ITPA: variants seen among roughly 807,000 people sequenced by gnomAD.
The protein encoded by ITPA is inosine triphosphate pyrophosphatase.
In ITPA, 29 loss-of-function variants were observed where a neutral mutation model predicts 29.6. The observed-to-expected ratio is 0.98, with a 90% CI of 0.73 to 1.34. ITPA has a LOEUF of 1.34. Among genes scored for constraint, ITPA ranks in the 40% most tolerant of loss-of-function variants. The pLI is 0.00. For synonymous variants in ITPA, 103 were observed against 99.3 expected (o/e 1.04, Z -0.22); for missense variants, 241 against 251.5 (o/e 0.96, Z 0.28).
At chr20:3,216,933 T>G (rs544660938) in intron 5 of ITPA, among the ~76,000 whole-genome samples, 95 of 151,626 alleles carry the variant, frequency 6.3e-4, no homozygotes, top group African/African-American at 2.2e-3. Context: ...CAGGCTAGAG[T>G]GCAGTGGTGT....
At chr20:3,207,486 G>C (rs1339054443), upstream of ITPA, among the ~76,000 whole-genome samples, 35 of 152,256 alleles carry the variant, frequency 2.3e-4, no homozygotes, top group Non-Finnish European at 7.4e-5. Context: ...CTGAGGTCAG[G>C]AGTTTGAGAC....
downstream of ITPA, among the ~76,000 whole-genome samples, chr20:3,225,144 AGTGAGCC>A (rs1159124835): frequency 6.6e-6 from 1 of 152,176 alleles, no homozygotes; most frequent in Non-Finnish European, 1.5e-5. Flanking sequence ...TGGAGGCTGC[AGTGAGCC>A]GTGATTGCGC....
At chr20:3,208,290 C>A (rs2067098624), upstream of ITPA, among the ~76,000 whole-genome samples, 1 of 152,098 alleles carries the variant, frequency 6.6e-6, no homozygotes, top group African/African-American at 2.4e-5. Flanking sequence ...ATCCCCATGG[C>A]CACTCCTCTA....
intron 5 of ITPA, 46 bp downstream of exon 5, chr20:3,215,358 T>C: frequency 6.3e-7 from 1 of 1,593,112 alleles, no homozygotes; most frequent in Non-Finnish European, 8.6e-7. Flanking sequence ...GGAATGAGAA[T>C]CTGGGCTTTG....
intron 6 of ITPA, among the ~76,000 whole-genome samples, chr20:3,219,454 T>G (rs995922291): frequency 1.3e-5 from 2 of 151,954 alleles, no homozygotes; most frequent in Non-Finnish European, 2.9e-5. Context: ...GCAAAAAATT[T>G]TAAAATGAGG....
At chr20:3,204,423 T>C (rs1203615079), upstream of ITPA, 42 of 1,084,146 alleles carry the variant, frequency 3.9e-5, no homozygotes, top group East Asian at 5.2e-5. Context: ...CGGACGCGCA[T>C]GCGTCCCGCC....
rs1322007682 is a variant in ITPA at position 3,223,483 on chromosome 20, C to T, written c.*21C>T. On this transcript the variant is annotated 3_prime_UTR_variant, in exon 8 of 8. Coordinates refer to ENST00000380113, the MANE Select transcript of ITPA (RefSeq NM_033453.4). ...CTTGACTTCTGCAGCTGGAGGAGGC[C>T]CCTCAGGCCGGGGATCTGGGGAGGG... 12 of 1,588,638 alleles carry T rather than the reference C, an allele frequency of 7.6e-6. No individual in the cohort carries two copies. Among genetic ancestry groups the T allele is most frequent in the Non-Finnish European group, 1.0e-5 (12 of 1,161,856 alleles).
chr20:3,221,775 C>G, intron 6 of ITPA, 66 bp from the exon 7 acceptor site: 1 of 1,434,732 alleles, frequency 7.0e-7, no homozygotes, highest in Non-Finnish European at 9.8e-7. Flanking sequence ...CTCATACTGG[C>G]CACTGCCCTC....
chr20:3,226,328 C>A (rs1227557173), downstream of ITPA, among the ~76,000 whole-genome samples: 1 of 152,222 alleles, frequency 6.6e-6, no homozygotes, highest in Non-Finnish European at 1.5e-5. This position sits in a 1 kb window ranked among gnomAD's most constrained non-coding sequence, Gnocchi z 4.4. Flanking sequence ...CAGAAGTCTT[C>A]TGGGTTGACT....
At chr20:3,206,763 G>A (rs555420293), upstream of ITPA, among the ~76,000 whole-genome samples, 99 of 151,472 alleles carry the variant, frequency 6.5e-4, no homozygotes, top group African/African-American at 2.3e-3. Flanking sequence ...CCCGGGAGGC[G>A]GAGCTTGCAG....
rs200506201 is a variant in ITPA, at chr20:3,213,294, T to C, written c.125-25T>C. 329 of 1,614,180 alleles carry C rather than the reference T, an allele frequency of 2.0e-4. 4 individuals carry two copies. Among genetic ancestry groups the C allele is most frequent in the Admixed American group, 4.5e-4 (27 of 60,016 alleles). ...TCTCTGTCTTCCTGTGACCTGACTT[T>C]CTGTGTGTCTGTTTCCCTGATAAGT... On this transcript the variant is annotated intron_variant, in intron 2 of 7. Coordinates refer to ENST00000380113, the MANE Select transcript of ITPA (RefSeq NM_033453.4).
intron 1 of ITPA, 63 bp from the exon 2 acceptor site, chr20:3,213,106 G>A (rs1450296775): frequency 1.4e-6 from 2 of 1,477,066 alleles, no homozygotes; most frequent in Non-Finnish European, 1.9e-6. Flanking sequence ...GCGGATGACA[G>A]CTCACGTGCT....
At chr20:3,217,692 C>T (rs2067338796) in intron 5 of ITPA, among the ~76,000 whole-genome samples, 3 of 152,118 alleles carry the variant, frequency 2.0e-5, no homozygotes, top group African/African-American at 7.2e-5. Context: ...TGATATCAAA[C>T]TCCTGAGCTC....
intron 1 of ITPA, among the ~76,000 whole-genome samples, chr20:3,210,041 A>C (rs985411485): frequency 4.6e-5 from 7 of 152,106 alleles, no homozygotes; most frequent in African/African-American, 1.7e-4. Flanking sequence ...TTCCACACTG[A>C]GCAGTCCGTG....
chr20:3,215,074 C>A (rs186007951), intron 4 of ITPA: 1 of 585,642 alleles, frequency 1.7e-6, no homozygotes, highest in East Asian at 3.0e-5. Context: ...GCTACGTTGT[C>A]CAAGCTTTTC....
At chr20:3,207,867 T>C (rs1161429927), upstream of ITPA, among the ~76,000 whole-genome samples, 1 of 148,584 alleles carries the variant, frequency 6.7e-6, no homozygotes, top group African/African-American at 2.5e-5. Flanking sequence ...TCGTGGGGGG[T>C]GCTTGTAGTC....
chr20:3,209,546 A>G lies in ITPA; in HGVS notation c.-6A>G, dbSNP rs771400282. The G allele has an allele frequency of 3.1e-6, 5 of 1,613,614 alleles. No individual in the cohort carries two copies. The highest frequency in any genetic ancestry group is 3.3e-5 in the Admixed American group (2 of 59,996). On this transcript the variant is annotated 5_prime_UTR_variant, in exon 1 of 8. Transcript: ENST00000380113. This position sits in a 1 kb window ranked among gnomAD's most constrained non-coding sequence, Gnocchi z 4.6. ...CGGTGGCTCAGCTGGGTAACCGGGG[A>G]TCACCATGGCGGCCTCATTGGTGGG...
At chr20:3,211,076 A>AAAG (rs374055791) in intron 1 of ITPA, among the ~76,000 whole-genome samples, 6 of 144,950 alleles carry the variant, frequency 4.1e-5, no homozygotes, top group African/African-American at 1.3e-4. Context: ...AAAAAAAAAA[A>AAAG]AAGAAGAAGA....
intron 1 of ITPA, among the ~76,000 whole-genome samples, chr20:3,212,262 A>T (rs1166902017): frequency 6.6e-6 from 1 of 152,198 alleles, no homozygotes; most frequent in Non-Finnish European, 1.5e-5. Context: ...TGATTTAGTT[A>T]TATATACTTT....
Sources: allele counts gnomAD v4.1 joint callset (sites outside exome capture counted in the v4.1 genomes callset), GRCh38; gene constraint gnomAD v4.1.1; non-coding constraint Gnocchi (gnomAD v3.1); transcripts MANE v1.5; gene names NCBI Gene and HGNC (gene_info 2026-07-23, HGNC 2026-07-21).